CWC27: variants seen among roughly 807,000 people sequenced by gnomAD.
CWC27 encodes the protein CWC27 spliceosome associated cyclophilin.
A neutral mutation model predicts 63.6 loss-of-function variants in CWC27; 47 were observed. The observed-to-expected ratio is 0.74, with a 90% confidence interval of 0.58 to 0.94. CWC27 has a LOEUF of 0.94. Among genes scored for constraint, CWC27 ranks in the 40% least tolerant of loss-of-function variants. The probability of loss-of-function intolerance (pLI) is 0.00; values close to 1 mark genes in which losing one functional copy is unlikely to be tolerated. For missense variants in CWC27, 495 were observed against 554.3 expected, an observed-to-expected ratio of 0.89 and a Z score of 1.07; for synonymous variants, 175 against 179.8, an observed-to-expected ratio of 0.97 and a Z score of 0.22.
At chr5:64,872,994 G>C (rs1746710974) in intron 10 of CWC27, among the ~76,000 whole-genome samples, 1 of 151,996 alleles carries the variant, frequency 6.6e-6, no homozygotes, top group African/African-American at 2.4e-5. Flanking sequence ...TGATAAATGT[G>C]GTTCATTAAT....
At chr5:64,860,766 C>T (rs960402298) in intron 10 of CWC27, among the ~76,000 whole-genome samples, 1 of 152,134 alleles carries the variant, frequency 6.6e-6, no homozygotes, top group African/African-American at 2.4e-5. Context: ...TCTTTATCTG[C>T]AGAGTTTGAA....
chr5:64,942,003 T>A (rs987733352), intron 11 of CWC27, among the ~76,000 whole-genome samples: 3 of 152,130 alleles, frequency 2.0e-5, no homozygotes, highest in Non-Finnish European at 4.4e-5. Flanking sequence ...TTATAACTAT[T>A]TTGCAGATTA....
intron 13 of CWC27, among the ~76,000 whole-genome samples, chr5:64,992,172 C>T (rs1408421927): frequency 6.6e-6 from 1 of 152,224 alleles, no homozygotes; most frequent in Non-Finnish European, 1.5e-5. Context: ...AAAAGAGCCT[C>T]ATAGGGCTCA....
intron 13 of CWC27, among the ~76,000 whole-genome samples, chr5:64,989,598 TTGAGA>T (rs1398877926): frequency 6.6e-6 from 1 of 152,192 alleles, no homozygotes; most frequent in African/African-American, 2.4e-5. Context: ...AACTGCTATC[TTGAGA>T]TAAGAAGAAA....
chr5:64,776,826 G>A (rs1392349620), intron 2 of CWC27, among the ~76,000 whole-genome samples: 5 of 152,004 alleles, frequency 3.3e-5, no homozygotes, highest in Admixed American at 6.6e-5. Context: ...ACATGAACAA[G>A]TAAGAGCGCA....
chr5:64,841,160 G>A (rs1219163591), intron 10 of CWC27, among the ~76,000 whole-genome samples: 1 of 152,200 alleles, frequency 6.6e-6, no homozygotes, highest in Non-Finnish European at 1.5e-5. Flanking sequence ...CCAAGACCAT[G>A]GTGCTGGCAT....
chr5:64,954,745 A>C (rs34047160), intron 11 of CWC27, among the ~76,000 whole-genome samples: 32,302 of 145,828 alleles, frequency 0.22, 3,907 homozygotes, highest in South Asian at 0.36. Context: ...ACCACAAGCC[A>C]CAAGCACTAT....
intron 11 of CWC27, among the ~76,000 whole-genome samples, chr5:64,902,566 G>A (rs6864830): frequency 0.018 from 2,676 of 152,044 alleles, 47 homozygotes; most frequent in African/African-American, 0.05. Context: ...TTATATATGG[G>A]TCTATTCTGT....
chr5:64,801,512 T>G (rs1277232881), intron 9 of CWC27, among the ~76,000 whole-genome samples, 180 bp downstream of exon 9: 1 of 152,084 alleles, frequency 6.6e-6, no homozygotes, highest in East Asian at 1.9e-4. Context: ...TTCCTTACTC[T>G]AGGGGTGTGC....
chr5:64,802,502 A>T (rs889903455), intron 9 of CWC27, among the ~76,000 whole-genome samples: 1 of 152,188 alleles, frequency 6.6e-6, no homozygotes, highest in Admixed American at 6.6e-5. Flanking sequence ...GAAGATCACT[A>T]TTGGCGATAT....
intron 11 of CWC27, among the ~76,000 whole-genome samples, chr5:64,936,382 G>A (rs750100647): frequency 6.6e-6 from 1 of 152,182 alleles, no homozygotes; most frequent in Non-Finnish European, 1.5e-5. Context: ...CATTGGTTCT[G>A]TTTATGTGAT....
intron 10 of CWC27, among the ~76,000 whole-genome samples, chr5:64,809,993 C>T (rs1744819796): frequency 6.6e-6 from 1 of 151,800 alleles, no homozygotes; most frequent in Non-Finnish European, 1.5e-5. Flanking sequence ...CAGGCTATTC[C>T]CGCCTCTTTT....
At chr5:64,956,068 A>G (rs944075262) in intron 11 of CWC27, among the ~76,000 whole-genome samples, 1 of 152,184 alleles carries the variant, frequency 6.6e-6, no homozygotes, top group Non-Finnish European at 1.5e-5. Flanking sequence ...GTACTATGAT[A>G]GAAAATAACC....
chr5:64,967,882 A>G (rs1407477343), intron 11 of CWC27, among the ~76,000 whole-genome samples: 1 of 152,084 alleles, frequency 6.6e-6, no homozygotes, highest in Admixed American at 6.5e-5. Context: ...GATAAGACAC[A>G]AAAAGTGTGA....
In CWC27 at chr5:64,797,177, C is replaced by T. The variant is rs1265181277; in HGVS notation, c.670-3071C>T. On this transcript the variant is annotated intron_variant, in intron 7 of 13. Coordinates refer to ENST00000381070, the MANE Select transcript of CWC27 (RefSeq NM_005869.4). The stretch of plus-strand genomic sequence containing the variant: ...TTTAGTATTTCATTCATCAGCTAAA[C>T]CTTTTAATTAGTCAACTTATTTTAA... 4.6e-5 allele frequency among the ~76,000 whole-genome samples: 7 copies of T among 151,978 alleles called. No homozygotes were observed. In the East Asian group the frequency reaches 1.2e-3, roughly 25 times the overall value.
At chr5:64,926,328 A>G (rs1387951796) in intron 11 of CWC27, among the ~76,000 whole-genome samples, 1 of 151,350 alleles carries the variant, frequency 6.6e-6, no homozygotes, top group Non-Finnish European at 1.5e-5. Flanking sequence ...ACTCTCATAT[A>G]TCTTAGATAT....
intron 11 of CWC27, among the ~76,000 whole-genome samples, chr5:64,914,145 C>G (rs1323191949): frequency 6.6e-6 from 1 of 152,056 alleles, no homozygotes; most frequent in Non-Finnish European, 1.5e-5. Context: ...TAACTCACAC[C>G]AGACATAAAA....
chr5:64,824,140 C>T (rs1745292629), intron 10 of CWC27, among the ~76,000 whole-genome samples: 1 of 152,118 alleles, frequency 6.6e-6, no homozygotes, highest in Non-Finnish European at 1.5e-5. Flanking sequence ...AACCCAATGA[C>T]ATTTATTGCT....
At chr5:64,854,221 G>A (rs1298464059) in intron 10 of CWC27, among the ~76,000 whole-genome samples, 1 of 152,120 alleles carries the variant, frequency 6.6e-6, no homozygotes, top group Non-Finnish European at 1.5e-5. Flanking sequence ...GGACATTTAG[G>A]TTGCTTCCAC....
Sources: gnomAD v4.1 joint callset for allele counts (sites outside exome capture counted in the v4.1 genomes callset) on GRCh38, gnomAD v4.1.1 for gene constraint, MANE v1.5 for transcripts, NCBI Gene and HGNC (gene_info 2026-07-23, HGNC 2026-07-21) for gene names.